Variants in MGAT4C observed in about 807,000 individuals in gnomAD.
MGAT4C encodes the protein MGAT4 family member C.
MGAT4C carries 19 observed loss-of-function variants against 40.1 expected under a neutral mutation model. That is an observed-to-expected ratio of 0.47 (90% CI 0.33 to 0.70). The LOEUF is 0.70. MGAT4C is among the 30% of genes least tolerant of loss of function. The probability of loss-of-function intolerance (pLI) is 0.02; values close to 1 mark genes in which losing one functional copy is unlikely to be tolerated. For synonymous variants in MGAT4C, 181 were observed against 187.1 expected, an observed-to-expected ratio of 0.97 and a Z score of 0.27; for missense variants, 491 against 563.2, an observed-to-expected ratio of 0.87 and a Z score of 1.30.
chr12:86,163,479 A>G (rs1209793466), intron 1 of MGAT4C, among the ~76,000 whole-genome samples: 1 of 152,176 alleles, frequency 6.6e-6, no homozygotes, highest in African/African-American at 2.4e-5. Context: ...GGAGCGAGCC[A>G]CTGTGCCTGG....
intron 2 of MGAT4C, among the ~76,000 whole-genome samples, chr12:86,622,513 A>G (rs971702342): frequency 1.3e-5 from 2 of 152,194 alleles, no homozygotes; most frequent in Non-Finnish European, 2.9e-5. Flanking sequence ...AAAAATGGTA[A>G]TTGAGGGAGC....
chr12:86,670,579 T>C (rs1461000318), intron 2 of MGAT4C, among the ~76,000 whole-genome samples: 2 of 152,130 alleles, frequency 1.3e-5, no homozygotes, highest in Non-Finnish European at 2.9e-5. Context: ...AATATGGGAT[T>C]ATATACACCA....
intron 1 of MGAT4C, among the ~76,000 whole-genome samples, chr12:86,245,274 T>C (rs2136057087): frequency 6.6e-6 from 1 of 152,210 alleles, no homozygotes; most frequent in Admixed American, 6.5e-5. Flanking sequence ...AGAGGAGCAA[T>C]TAGGTCTCCT....
intron 4 of MGAT4C, among the ~76,000 whole-genome samples, chr12:86,281,872 A>C (rs1305971710): frequency 6.6e-6 from 1 of 152,120 alleles, no homozygotes; most frequent in East Asian, 1.9e-4. Context: ...AGTATAAATT[A>C]TATTTCAACA....
intron 1 of MGAT4C, among the ~76,000 whole-genome samples, chr12:86,058,656 C>T (rs945304072): frequency 6.6e-6 from 1 of 152,028 alleles, no homozygotes; most frequent in African/African-American, 2.4e-5. Context: ...TATATGTCTT[C>T]TAGGTTTGAA....
intron 1 of MGAT4C, among the ~76,000 whole-genome samples, chr12:86,760,792 A>G (rs1053260976): frequency 6.6e-6 from 1 of 152,190 alleles, no homozygotes; most frequent in African/African-American, 2.4e-5. Context: ...CTGCATCTAC[A>G]ACAACACAAA....
intron 2 of MGAT4C, among the ~76,000 whole-genome samples, chr12:86,481,295 A>T (rs1215533207): frequency 6.6e-6 from 1 of 152,076 alleles, no homozygotes; most frequent in African/African-American, 2.4e-5. Flanking sequence ...TAGACTTAAC[A>T]CCAAGGACAA....
chr12:86,507,493 T>A (rs1958491081), intron 2 of MGAT4C, among the ~76,000 whole-genome samples: 1 of 152,160 alleles, frequency 6.6e-6, no homozygotes, highest in Admixed American at 6.6e-5. Context: ...GATGAGTGTT[T>A]GGGTTTGTTC....
At chr12:86,013,600 T>A (rs1888740158) in intron 2 of MGAT4C, 1 of 306,334 alleles carries the variant, frequency 3.3e-6, no homozygotes, top group Non-Finnish European at 4.8e-6. Flanking sequence ...TAAACAATTA[T>A]ACATATATAA....
At chr12:86,774,367 TC>T (rs1951711959) in intron 1 of MGAT4C, among the ~76,000 whole-genome samples, 1 of 65,286 alleles carries the variant, frequency 1.5e-5, no homozygotes, top group Non-Finnish European at 3.6e-5. Flanking sequence ...TCTCTCTCTC[TC>T]TCTTTCTGTC....
At chr12:86,512,275 T>C (rs114142339) in intron 2 of MGAT4C, among the ~76,000 whole-genome samples, 1 of 152,240 alleles carries the variant, frequency 6.6e-6, no homozygotes, top group African/African-American at 2.4e-5. Flanking sequence ...TGGGTAAGAA[T>C]AGGAAGACAC....
In MGAT4C at chr12:86,072,477, C is replaced by T. The variant is rs757376865; in HGVS notation, c.-56-22754G>A. On this transcript the variant is annotated intron_variant, in intron 1 of 4. Transcript: ENST00000611864. ...AGTGTATTTACAAGTATACAACATACATCTGTATGTATATTTATATCTGTA... is the reference window on the plus strand; with the variant it reads ...AGTGTATTTACAAGTATACAACATATATCTGTATGTATATTTATATCTGTA... Among the ~76,000 whole-genome samples the T allele has an allele frequency of 2.0e-5, 3 of 152,040 alleles. No homozygotes were observed. The South Asian group carries it at 6.2e-4, about 32-fold the overall frequency.
chr12:86,604,122 G>A lies in MGAT4C; in HGVS notation c.-229+123087C>T, dbSNP rs568945795. Reference sequence around the variant, plus strand: ...AAATTACAAAGAGGCTTTAATCAACGGATAGCCTGGTTGTTGACAGGATGC... The same window carrying A: ...AAATTACAAAGAGGCTTTAATCAACAGATAGCCTGGTTGTTGACAGGATGC... On this transcript the variant is annotated intron_variant, in intron 2 of 7. Transcript: ENST00000548651. Among the ~76,000 whole-genome samples the A allele has an allele frequency of 7.2e-5, 11 of 152,092 alleles. No homozygotes were observed. In the South Asian group the frequency reaches 1.9e-3, roughly 26 times the overall value.
intron 2 of MGAT4C, among the ~76,000 whole-genome samples, chr12:86,511,061 C>A (rs960141362): frequency 6.6e-6 from 1 of 152,112 alleles, no homozygotes; most frequent in Admixed American, 6.6e-5. Flanking sequence ...CCACACCACA[C>A]CTATTCCACA....
chr12:86,060,657 C>G (rs1301643850), intron 1 of MGAT4C, among the ~76,000 whole-genome samples: 1 of 151,978 alleles, frequency 6.6e-6, no homozygotes, highest in Non-Finnish European at 1.5e-5. Context: ...AGAGATAGCA[C>G]AAAATGACTG....
intron 2 of MGAT4C, among the ~76,000 whole-genome samples, chr12:86,003,032 C>A (rs374704386): frequency 7.9e-5 from 12 of 152,068 alleles, no homozygotes; most frequent in African/African-American, 2.7e-4. Flanking sequence ...AACTCCTGGG[C>A]TCAAGCAATC....
chr12:86,837,413 T>G (rs1036712949), intron 1 of MGAT4C, among the ~76,000 whole-genome samples: 1 of 152,142 alleles, frequency 6.6e-6, no homozygotes, highest in Non-Finnish European at 1.5e-5. Flanking sequence ...TTTGTTCTAA[T>G]AGTCTTTCAA....
chr12:86,375,539 A>G (rs897315546), intron 3 of MGAT4C, among the ~76,000 whole-genome samples: 1 of 152,092 alleles, frequency 6.6e-6, no homozygotes, highest in African/African-American at 2.4e-5. Context: ...TAGAGAAGGA[A>G]AAAGAGGAAT....
chr12:86,803,092 G>A (rs1687229347), intron 1 of MGAT4C, among the ~76,000 whole-genome samples: 1 of 142,624 alleles, frequency 7.0e-6, no homozygotes, highest in Non-Finnish European at 1.5e-5. Context: ...ACAGAACAGA[G>A]CCCTCATAAA....
Sources: allele counts gnomAD v4.1 joint callset (sites outside exome capture counted in the v4.1 genomes callset), GRCh38; gene constraint gnomAD v4.1.1; transcripts MANE v1.5; gene names NCBI Gene and HGNC (gene_info 2026-07-23, HGNC 2026-07-21).